The following ALLC variants were observed in gnomAD, a reference collection of about 807,000 sequenced individuals.
ALLC encodes allantoicase.
In ALLC, 40 loss-of-function variants were observed where a neutral mutation model predicts 45.0. The ratio of observed to expected loss-of-function variants is 0.89; its 90% CI spans 0.69 to 1.16. The LOEUF (loss-of-function observed/expected upper bound fraction) is 1.16, where lower values mean the gene tolerates loss of function less well. Ranked by LOEUF, ALLC falls within the 50% of genes most tolerant of loss-of-function variation. ALLC has a pLI of 0.00. For synonymous variants in ALLC, 176 were observed against 178.1 expected, an observed-to-expected ratio of 0.99 and a Z score of 0.09; for missense variants, 488 against 493.1, an observed-to-expected ratio of 0.99 and a Z score of 0.10.
intron 7 of ALLC, chr2:3,688,498 A>G: frequency 5.1e-6 from 1 of 197,170 alleles, no homozygotes; most frequent in South Asian, 7.4e-5. Context: ...GTCATGGATG[A>G]CCTTGGCCAG....
intron 4 of ALLC, 87 bp downstream of exon 4, chr2:3,678,642 G>A: frequency 9.1e-7 from 1 of 1,093,556 alleles, no homozygotes; most frequent in Non-Finnish European, 1.4e-6. Flanking sequence ...TCCGTTTTGG[G>A]TCAGCTTTAA....
At chr2:3,661,760 A>G (rs1237284389) in intron 1 of ALLC, among the ~76,000 whole-genome samples, 1 of 152,174 alleles carries the variant, frequency 6.6e-6, no homozygotes, top group African/African-American at 2.4e-5. Context: ...TGTGTATTAT[A>G]GTTTCATGTT....
chr2:3,670,441 G>T (rs866818943), intron 1 of ALLC, among the ~76,000 whole-genome samples: 1 of 152,198 alleles, frequency 6.6e-6, no homozygotes, highest in East Asian at 1.9e-4. Context: ...CTCCCTCACG[G>T]TCTCTTTCCA....
upstream of ALLC, among the ~76,000 whole-genome samples, chr2:3,657,141 A>T (rs1170919038): frequency 6.6e-6 from 1 of 151,954 alleles, no homozygotes; most frequent in Non-Finnish European, 1.5e-5. Flanking sequence ...AGATGTGTAA[A>T]CATGGACTCA....
rs555523869 is a variant in ALLC at position 3,667,914 on chromosome 2, G to A, written c.-62-3182G>A. ...CGAGTAGCTGGGATTACAGGCATGCGCCACCATGCCTGGCTAATCTTTGTA... is the reference window on the plus strand; with the variant it reads ...CGAGTAGCTGGGATTACAGGCATGCACCACCATGCCTGGCTAATCTTTGTA... On this transcript the variant is annotated intron_variant, in intron 1 of 11. Transcript: ENST00000252505. Among the ~76,000 whole-genome samples the A allele has an allele frequency of 1.1e-4, 16 of 152,262 alleles. No individual in the cohort carries two copies. The South Asian group carries it at 1.9e-3, about 18-fold the overall frequency.
At chr2:3,653,895 G>C (rs542794631), upstream of ALLC, among the ~76,000 whole-genome samples, 1 of 152,174 alleles carries the variant, frequency 6.6e-6, no homozygotes, top group Non-Finnish European at 1.5e-5. This position sits in a 1 kb window ranked among gnomAD's most constrained non-coding sequence, Gnocchi z 4.1. Flanking sequence ...CTTCCCTGCT[G>C]GGGTTTATCA....
intron 11 of ALLC, 114 bp from the exon 12 acceptor site, chr2:3,702,249 A>C (rs748934480): frequency 1.1e-5 from 9 of 826,526 alleles, no homozygotes; most frequent in Non-Finnish European, 1.7e-5. Flanking sequence ...TTAATAACTT[A>C]TTTTAAAGCC....
At chr2:3,646,205 G>A in the ALLC span, among the ~76,000 whole-genome samples, 4 of 152,278 alleles carry the variant, frequency 2.6e-5, no homozygotes, top group East Asian at 7.7e-4. Context: ...AGGCTCAAGG[G>A]TCCTCCCTGT....
chr2:3,700,789 C>T (rs116665784), intron 10 of ALLC, among the ~76,000 whole-genome samples: 99 of 152,258 alleles, frequency 6.5e-4, no homozygotes, highest in African/African-American at 2.3e-3. Context: ...TGGAGACTAC[C>T]GTTTTAAGAG....
upstream of ALLC, among the ~76,000 whole-genome samples, chr2:3,653,480 C>T (rs975415990): frequency 5.3e-5 from 8 of 152,212 alleles, no homozygotes; most frequent in Admixed American, 4.6e-4. This position sits in a 1 kb window ranked among gnomAD's most constrained non-coding sequence, Gnocchi z 4.1. Context: ...AGTGGACCTG[C>T]GTCCTGCCAG....
chr2:3,695,316 T>C, intron 7 of ALLC: 1 of 220,486 alleles, frequency 4.5e-6, no homozygotes, highest in South Asian at 6.9e-5. Flanking sequence ...TGGAGACTGA[T>C]TTTAGCAGGA....
chr2:3,651,301 T>TGGGGGGGGGGG, the ALLC span, among the ~76,000 whole-genome samples: 3 of 7,770 alleles, frequency 3.9e-4, no homozygotes, highest in Non-Finnish European at 5.7e-4. Context: ...TCTTTTTGGG[T>TGGGGGGGGGGG]GGGTGGGTGG....
chr2:3,661,642 GC>G lies in ALLC; in HGVS notation c.-63+3352del, dbSNP rs1666579848. 2.0e-5 allele frequency among the ~76,000 whole-genome samples: 3 copies of G among 152,304 alleles called. No homozygotes were observed. In the South Asian group the frequency reaches 6.2e-4, roughly 32 times the overall value. ...CTTTGGGAAGCTGTCAAGGGTCATT[GC>G]CCCTCTCAGCCTAAACCTCTTAGCA... On this transcript the variant is annotated intron_variant, in intron 1 of 11. Coordinates refer to ENST00000252505, the MANE Select transcript of ALLC (RefSeq NM_018436.4).
chr2:3,651,297 T>TGGGGGGGGGGGG, the ALLC span, among the ~76,000 whole-genome samples: 1 of 1,718 alleles, frequency 5.8e-4, no homozygotes, highest in African/African-American at 1.3e-3. Context: ...GAATTCTTTT[T>TGGGGGGGGGGGG]GGGTGGGTGG....
rs142897931 is a variant in ALLC at position 3,669,649 on chromosome 2, A to AAAAT, written c.-62-1431_-62-1428dup. On this transcript the variant is annotated intron_variant, in intron 1 of 11. Transcript: ENST00000252505. The stretch of plus-strand genomic sequence containing the variant: ...GGTGACAGAGGGAGACTCCATCTCA[A>AAAAT]AAATAAATAAATAAATAAAGATAAT... Among the ~76,000 whole-genome samples the AAAAT allele has an allele frequency of 6.5e-3, 985 of 152,266 alleles. 10 individuals are homozygous for AAAAT. Among genetic ancestry groups the AAAAT allele is most frequent in the African/African-American group, 0.022 (932 of 41,540 alleles).
At chr2:3,654,893 C>G (rs73910318), upstream of ALLC, among the ~76,000 whole-genome samples, 1 of 152,248 alleles carries the variant, frequency 6.6e-6, no homozygotes, top group African/African-American at 2.4e-5. Context: ...TAAAGAAGCG[C>G]TTTGCATTGG....
intron 1 of ALLC, among the ~76,000 whole-genome samples, chr2:3,662,723 G>T (rs1162075544): frequency 2.6e-5 from 4 of 152,188 alleles, no homozygotes; most frequent in African/African-American, 9.7e-5. Context: ...CTTCTAGCCT[G>T]CAGTCACCCT....
chr2:3,650,123 T>C, the ALLC span, among the ~76,000 whole-genome samples: 1 of 152,308 alleles, frequency 6.6e-6, no homozygotes, highest in South Asian at 2.1e-4. Context: ...ACAAGAGCCG[T>C]TCGGCACTGG....
chr2:3,691,008 G>A (rs1667502333), intron 7 of ALLC, among the ~76,000 whole-genome samples: 2 of 151,596 alleles, frequency 1.3e-5, no homozygotes, highest in South Asian at 4.2e-4. Flanking sequence ...ACTGGTGGTG[G>A]TGAATTCTCT....
Sources: gnomAD v4.1 joint callset for allele counts (sites outside exome capture counted in the v4.1 genomes callset) on GRCh38, gnomAD v4.1.1 for gene constraint, Gnocchi (gnomAD v3.1) non-coding constraint, MANE v1.5 for transcripts, NCBI Gene and HGNC (gene_info 2026-07-23, HGNC 2026-07-21) for gene names.